The following MUC4 variants were observed in gnomAD, a reference collection of about 807,000 sequenced individuals.
The protein encoded by MUC4 is mucin-4.
MUC4 carries 202 observed loss-of-function variants against 257.9 expected under a neutral mutation model. The observed-to-expected ratio is 0.78, with a 90% CI of 0.70 to 0.88. The LOEUF is 0.88. MUC4 is among the 40% of genes least tolerant of loss of function. MUC4 has a pLI of 0.00. For missense variants in MUC4, 5,976 were observed against 6,513.7 expected (o/e 0.92, Z 2.84); for synonymous variants, 2,351 against 2,757.1 (o/e 0.85, Z 4.62).
In MUC4 at chr3:195,763,521, C is replaced by T; in HGVS notation, c.14165G>A (p.Gly4722Asp). 6.4e-7 allele frequency: 1 copy of T among 1,571,424 alleles called. No homozygotes were observed. The highest frequency in any genetic ancestry group is 8.6e-7 in the Non-Finnish European group (1 of 1,157,406). ...QDGNSSFLLQ[G>D]RTAQTGSAQA... ...GGCTGAGCCAGTCTGGGCGGTGCGG[C>T]CCTGAAGCAGGAAGGAGGAGTTCCC... The change falls in exon 12 of 25, where the codon GGC becomes GAC. Residue 4722 changes from glycine to aspartate, a missense_variant. Gly to Asp is a moderately conservative substitution (Grantham distance 94). This residue lies in a region of MUC4 where 996 missense variants were observed against 1,137.3 expected (regional missense o/e 0.88). Coordinates refer to ENST00000463781, the MANE Select transcript of MUC4 (RefSeq NM_018406.7).
Position 195,784,506 on chromosome 3 carries a change from A to AGGGCTGGTGACAGGAAGAGGGGT in MUC4, c.7073_7074insACCCCTCTTCCTGTCACCAGCCC (p.Ser2359ProfsTer653), listed in dbSNP as rs1730338491. ...TGGTGTCACCTGTGGATACTGAGGA[A>AGGGCTGGTGACAGGAAGAGGGGT]GCGTCGGTGACATGAAGAGGGGTGG... On this transcript the variant is annotated frameshift_variant, in exon 2 of 25. Transcript: ENST00000463781. LOFTEE classifies it high-confidence loss of function. 1.3e-6 allele frequency: 2 copies of AGGGCTGGTGACAGGAAGAGGGGT among 1,528,998 alleles called. No homozygotes were observed. Among genetic ancestry groups the AGGGCTGGTGACAGGAAGAGGGGT allele is most frequent in the African/African-American group, 1.4e-5 (1 of 69,240 alleles). The allele number at this position is 1,528,998 out of a possible 1,614,324, so 94.7% of individuals were successfully genotyped here. A position where few individuals can be genotyped will look rare whatever the true frequency, so the allele number is the denominator to read the frequency against.
chr3:195,791,695 A>G (rs1487499861), intron 1 of MUC4, among the ~76,000 whole-genome samples, 198 bp from the exon 2 acceptor site: 4 of 152,216 alleles, frequency 2.6e-5, no homozygotes, highest in Non-Finnish European at 5.9e-5. Context: ...AGACAATCCT[A>G]AGCAAAAAGA....
chr3:195,766,277 G>T (rs1373722567), intron 8 of MUC4, among the ~76,000 whole-genome samples: 3 of 152,114 alleles, frequency 2.0e-5, no homozygotes, highest in Non-Finnish European at 4.4e-5. Context: ...TTTTCTTAAA[G>T]GATCTCACCT....
chr3:195,758,615 T>A (rs1023241371), intron 17 of MUC4, among the ~76,000 whole-genome samples: 2 of 140,208 alleles, frequency 1.4e-5, no homozygotes, highest in African/African-American at 5.4e-5. Context: ...CAGGCTGGAG[T>A]GCAGTGACGC....
At chr3:195,800,826 G>A (rs927246373) in intron 1 of MUC4, among the ~76,000 whole-genome samples, 2 of 151,208 alleles carry the variant, frequency 1.3e-5, no homozygotes, top group South Asian at 2.1e-4. Flanking sequence ...AGGCAGAGGC[G>A]GGAGGATTCC....
chr3:195,752,666 G>T (rs1716700578), intron 20 of MUC4: 3 of 608,730 alleles, frequency 4.9e-6, no homozygotes, highest in Non-Finnish European at 8.8e-6. Flanking sequence ...GTGACAGAAG[G>T]TCGCTGAGCA....
Position 195,786,828 on chromosome 3 carries a change from A to G in MUC4, c.4752T>C (p.Pro1584=). The G allele has an allele frequency of 6.6e-7, 1 of 1,526,292 alleles. No individual in the cohort carries two copies. The highest frequency in any genetic ancestry group is 8.8e-7 in the Non-Finnish European group (1 of 1,133,218). 94.5% of individuals were successfully genotyped at this position (1,526,292 alleles called of 1,614,324 possible). A position where few individuals can be genotyped will look rare whatever the true frequency, so the allele number is the denominator to read the frequency against. ...PSSASTGHTT[P]LPVTDTSSAS... is the part of the protein sequence containing the mutation. ...CTGAGGAAGTGTCGGTGACAGGAAG[A>G]GGGGTGGTGTGACCTGTAGATGCTG... Residue 1584 remains proline (P), a synonymous_variant, in exon 2 of 25, where the codon CCT becomes CCC. Coordinates refer to ENST00000463781, the MANE Select transcript of MUC4 (RefSeq NM_018406.7).
intron 3 of MUC4, among the ~76,000 whole-genome samples, chr3:195,775,854 C>CCG (rs1409585759): frequency 3.3e-4 from 39 of 117,466 alleles, no homozygotes; most frequent in Non-Finnish European, 4.5e-4. Flanking sequence ...CCCATACCTT[C>CCG]CACGGCCATA....
chr3:195,772,137 G>A (rs935295805), intron 4 of MUC4, among the ~76,000 whole-genome samples: 5 of 152,120 alleles, frequency 3.3e-5, no homozygotes, highest in Non-Finnish European at 4.4e-5. Flanking sequence ...TGAAGTTTGC[G>A]ACACATTAGG....
Position 195,775,427 on chromosome 3 carries a change from A to G in MUC4, c.12944-1122T>C, listed in dbSNP as rs1232584351. Among the ~76,000 whole-genome samples, 155 of 108,304 alleles carry G rather than the reference A, an allele frequency of 1.4e-3. 2 individuals carry two copies. The highest frequency in any genetic ancestry group is 2.2e-3 in the Non-Finnish European group (105 of 47,210). 71.1% of individuals were successfully genotyped at this position (108,304 alleles called of 152,430 possible). A position where few individuals can be genotyped will look rare whatever the true frequency, so the allele number is the denominator to read the frequency against. On this transcript the variant is annotated intron_variant, in intron 3 of 24. Coordinates refer to ENST00000463781, the MANE Select transcript of MUC4 (RefSeq NM_018406.7). ...TTCCACACCCATACCTTCCACACCC[A>G]TACCTTCCACACCCATACCTTCCAC...
At chr3:195,748,389 C>A (rs1203127983) in intron 24 of MUC4, among the ~76,000 whole-genome samples, 2 of 152,256 alleles carry the variant, frequency 1.3e-5, no homozygotes, top group Non-Finnish European at 2.9e-5. Context: ...CATGGCGAAA[C>A]CCCGTCTCTA....
chr3:195,787,800 A>T lies in MUC4; in HGVS notation c.3780T>A (p.Gly1260=). The part of the protein sequence containing the change: ...PVTDTSSAST[G]QATSLLVTDT... Reference sequence around the variant, plus strand: ...CGGTGACAAGAAGAGAGGTGGCCTGACCTGTGGATGCTGAGGAAGTGTCGG... The same window carrying T: ...CGGTGACAAGAAGAGAGGTGGCCTGTCCTGTGGATGCTGAGGAAGTGTCGG... Residue 1260 remains glycine (G), a synonymous_variant, in exon 2 of 25, where the codon GGT becomes GGA. Coordinates refer to ENST00000463781, the MANE Select transcript of MUC4 (RefSeq NM_018406.7). 8.2e-6 allele frequency: 5 copies of T among 613,108 alleles called. No homozygotes were observed. The highest frequency in any genetic ancestry group is 9.6e-6 in the Non-Finnish European group (4 of 415,002). The allele number at this position is 613,108 out of a possible 1,614,324, so 38.0% of individuals were successfully genotyped here.
intron 3 of MUC4, among the ~76,000 whole-genome samples, chr3:195,775,860 C>T (rs865966977): frequency 6.3e-5 from 7 of 111,072 alleles, no homozygotes; most frequent in Admixed American, 2.0e-4. Context: ...CCTTCCACGG[C>T]CATACCTTCC....
chr3:195,749,101 C>G (rs771338691), intron 23 of MUC4, 37 bp from the exon 24 acceptor site: 4 of 1,601,396 alleles, frequency 2.5e-6, no homozygotes, highest in Middle Eastern at 1.7e-4. Context: ...AGAAAGCAAC[C>G]GATGAACACT....
At position 195,781,180 on chromosome 3, in the gene MUC4, G is replaced by A; in HGVS notation, c.10400C>T (p.Thr3467Ile). The A allele has an allele frequency of 2.0e-6, 3 of 1,493,136 alleles. No individual in the cohort carries two copies. The highest frequency in any genetic ancestry group is 2.7e-6 in the Non-Finnish European group (3 of 1,114,900). 92.5% of individuals were successfully genotyped at this position (1,493,136 alleles called of 1,614,324 possible). A position where few individuals can be genotyped will look rare whatever the true frequency, so the allele number is the denominator to read the frequency against. The stretch of plus-strand genomic sequence containing the variant: ...GACAGGAAGAGGGGTGGTGTCACCT[G>A]TGGATGCTGAGGAAGTGTCGGTGAC... Reference protein sequence around the residue: ...LPVTDTSSASTGDTTPLPVTS... With the variant: ...LPVTDTSSASIGDTTPLPVTS... The change falls in exon 2 of 25, where the codon ACA (threonine) becomes ATA (isoleucine). Residue 3467 changes from threonine (T) to isoleucine (I), a missense_variant. Thr to Ile is a moderately conservative substitution (Grantham distance 89). Around this residue, in one of 44 missense-constraint regions of MUC4, gnomAD observed 297 missense variants for 240.9 expected, o/e 1.23. Coordinates refer to ENST00000463781, the MANE Select transcript of MUC4 (RefSeq NM_018406.7).
intron 1 of MUC4, among the ~76,000 whole-genome samples, chr3:195,793,251 CT>C (rs111731815): frequency 5.9e-5 from 9 of 152,100 alleles, no homozygotes; most frequent in African/African-American, 2.2e-4. Context: ...AATCCCAGCA[CT>C]TTGGGAGGCT....
intron 1 of MUC4, among the ~76,000 whole-genome samples, chr3:195,798,025 G>T (rs968032557): frequency 3.9e-5 from 6 of 152,074 alleles, no homozygotes; most frequent in Non-Finnish European, 8.8e-5. Context: ...AGTTGAGGGG[G>T]GAGGATCACT....
At chr3:195,796,582 T>C (rs1578457069) in intron 1 of MUC4, among the ~76,000 whole-genome samples, 1 of 151,956 alleles carries the variant, frequency 6.6e-6, no homozygotes, top group East Asian at 2.0e-4. Flanking sequence ...TCCCAGCTAC[T>C]CTGGAGGCTG....
At position 195,789,073 on chromosome 3, in the gene MUC4, C is replaced by G. The variant is rs1560396956; in HGVS notation, c.2507G>C (p.Arg836Thr). The change falls in exon 2 of 25, where the codon AGG (arginine) becomes ACG (threonine). Residue 836 changes from arginine to threonine, a missense_variant. Transcript: ENST00000463781. ...ETTRFSSNPS[R>T]DSHTTQSTTE... ...TGTTGACTGGGTTGTGTGACTGTCCCTGGAGGGGTTTGATGAAAACCTTGT... is the reference window on the plus strand; with the variant it reads ...TGTTGACTGGGTTGTGTGACTGTCCGTGGAGGGGTTTGATGAAAACCTTGT... 2 of 1,613,564 alleles carry G rather than the reference C, an allele frequency of 1.2e-6. No homozygotes were observed. The highest frequency in any genetic ancestry group is 1.3e-5 in the African/African-American group (1 of 74,990).
Sources: allele counts gnomAD v4.1 joint callset (sites outside exome capture counted in the v4.1 genomes callset), GRCh38; gene constraint gnomAD v4.1.1; regional missense constraint gnomAD v4.1.1; transcripts MANE v1.5; gene names NCBI Gene and HGNC (gene_info 2026-07-23, HGNC 2026-07-21).